Variants in SEPTIN6 observed in about 807,000 individuals in gnomAD.
SEPTIN6 encodes septin-6.
SEPTIN6 carries 8 observed loss-of-function variants against 33.6 expected under a neutral mutation model. The ratio of observed to expected loss-of-function variants is 0.24; its 90% CI spans 0.14 to 0.43. The LOEUF (loss-of-function observed/expected upper bound fraction) is 0.43, where lower values mean the gene tolerates loss of function less well. Ranked by LOEUF, SEPTIN6 falls within the 20% of genes least tolerant of loss-of-function variation. The pLI is 1.00. For synonymous variants in SEPTIN6, 131 were observed against 140.0 expected (o/e 0.94, Z 0.45); for missense variants, 250 against 340.8 (o/e 0.73, Z 2.10).
intron 5 of SEPTIN6, among the ~76,000 whole-genome samples, chrX:119,646,111 G>A (rs1210442300): frequency 9.0e-6 from 1 of 111,617 alleles, no homozygotes; most frequent in Non-Finnish European, 1.9e-5. Context: ...TCCTCCCAGG[G>A]TGGACAGTGT....
chrX:119,619,737 T>C lies in SEPTIN6; in HGVS notation c.*356A>G. On this transcript the variant is annotated 3_prime_UTR_variant, in exon 11 of 11. Coordinates refer to ENST00000394610, the MANE Select transcript of SEPTIN6 (RefSeq NM_145799.4). The stretch of plus-strand genomic sequence containing the variant: ...ACCAGAACTGGAACAGGGGAGCTGG[T>C]GGGAAAGAGTAGCAGATGGGCCCCC... 1 of 964,244 alleles carries C rather than the reference T, an allele frequency of 1.0e-6. No homozygotes were observed. The highest frequency in any genetic ancestry group is 1.3e-6 in the Non-Finnish European group (1 of 770,900). The allele number at this position is 964,244 out of a possible 1,213,427, so 79.5% of individuals were successfully genotyped here. A position where few individuals can be genotyped will look rare whatever the true frequency, so the allele number is the denominator to read the frequency against.
rs2053717947 is a variant in SEPTIN6, at chrX:119,619,788, A to T, written c.*305T>A. The T allele has an allele frequency of 2.0e-6, 2 of 987,550 alleles. No individual in the cohort carries two copies. Among genetic ancestry groups the T allele is most frequent in the Non-Finnish European group, 2.6e-6 (2 of 771,683 alleles). 81.4% of individuals were successfully genotyped at this position (987,550 alleles called of 1,213,427 possible). On this transcript the variant is annotated 3_prime_UTR_variant, in exon 11 of 11. Coordinates refer to ENST00000394610, the MANE Select transcript of SEPTIN6 (RefSeq NM_145799.4). ...TGACCATGTCACACCTCTGGCAAAG[A>T]TGTGGGGGAAGACAGGGGGGATGGC...
At chrX:119,631,512 T>C (rs1423192431) in intron 8 of SEPTIN6, among the ~76,000 whole-genome samples, 1 of 111,533 alleles carries the variant, frequency 9.0e-6, no homozygotes, top group East Asian at 2.8e-4. Flanking sequence ...TAGGGCTGCC[T>C]ATCAATTGCC....
intron 5 of SEPTIN6, among the ~76,000 whole-genome samples, chrX:119,649,468 A>G (rs2054317511): frequency 1.0e-5 from 1 of 96,429 alleles, no homozygotes; most frequent in Non-Finnish European, 2.0e-5. Context: ...AGCCTGGGCA[A>G]TGGAATGAGA....
chrX:119,651,703 T>G (rs903549308), intron 4 of SEPTIN6, among the ~76,000 whole-genome samples: 2 of 111,789 alleles, frequency 1.8e-5, no homozygotes, highest in Non-Finnish European at 3.8e-5. Flanking sequence ...TATATATGTA[T>G]CTATCTATCT....
At chrX:119,653,097 C>T (rs1460983519) in intron 3 of SEPTIN6, 57 bp from the exon 4 acceptor site, 6 of 997,740 alleles carry the variant, frequency 6.0e-6, no homozygotes, top group South Asian at 2.1e-5. Context: ...ATTTTGACAC[C>T]GTCCTTTTTG....
rs775646246 is a variant in SEPTIN6 at position 119,663,890 on chromosome X, T to G, written c.146-213A>C. Among the ~76,000 whole-genome samples, 13 of 111,837 alleles carry G rather than the reference T, an allele frequency of 1.2e-4. No homozygotes were observed. In the South Asian group the frequency reaches 4.8e-3, roughly 42 times the overall value. ...GATCAGTAGTAGTCATCTCAGATAG[T>G]AGAATTGAGGTAATTTTCATTTTAT... On this transcript the variant is annotated intron_variant, in intron 2 of 10. Transcript: ENST00000394610.
rs373524259 is a variant in SEPTIN6, at chrX:119,645,290, G to A, written c.691-4502C>T. On this transcript the variant is annotated intron_variant, in intron 5 of 10. Transcript: ENST00000394610. ...AGTCTCACTCTGTCGCCAGGCTGGA[G>A]TGCAGTGACGTGATCTCAGCTCACT... 8.1e-5 allele frequency among the ~76,000 whole-genome samples: 8 copies of A among 98,433 alleles called. No homozygotes were observed. In the East Asian group the frequency reaches 9.7e-4, roughly 12 times the overall value. The allele number at this position is 98,433 out of a possible 115,157, so 85.5% of individuals were successfully genotyped here. A position where few individuals can be genotyped will look rare whatever the true frequency, so the allele number is the denominator to read the frequency against.
At chrX:119,688,369 A>G (rs985167678) in intron 1 of SEPTIN6, among the ~76,000 whole-genome samples, 1 of 111,402 alleles carries the variant, frequency 9.0e-6, no homozygotes, top group Non-Finnish European at 1.9e-5. Context: ...GAAAGAAGGG[A>G]CCATGTGCAT....
intron 4 of SEPTIN6, among the ~76,000 whole-genome samples, chrX:119,651,527 C>T (rs2054351393): frequency 9.0e-6 from 1 of 111,406 alleles, no homozygotes; most frequent in African/African-American, 3.3e-5. Context: ...AAAAAGTATC[C>T]AGGCATGGTA....
At chrX:119,637,350 A>C (rs1020530937) in intron 6 of SEPTIN6, among the ~76,000 whole-genome samples, 155 bp from the exon 7 acceptor site, 3 of 112,443 alleles carry the variant, frequency 2.7e-5, no homozygotes, top group African/African-American at 9.7e-5. Flanking sequence ...TTTTCTACTG[A>C]AAATGTAAAT....
intron 7 of SEPTIN6, among the ~76,000 whole-genome samples, chrX:119,635,854 A>G (rs751724619): frequency 6.3e-5 from 7 of 111,671 alleles, no homozygotes; most frequent in African/African-American, 2.0e-4. Context: ...GGGTTAAGGG[A>G]GAGTTTCTTC....
Position 119,618,753 on chromosome X carries a change from C to T in SEPTIN6, c.*1340G>A, listed in dbSNP as rs376492572. 5.2e-5 allele frequency: 63 copies of T among 1,205,909 alleles called. No individual in the cohort carries two copies. Among genetic ancestry groups the T allele is most frequent in the Non-Finnish European group, 6.7e-5 (60 of 892,834 alleles). On this transcript the variant is annotated 3_prime_UTR_variant, in exon 11 of 11. Transcript: ENST00000394610. ...TAAATGGAGTCCAGTCCAGCTGTAG[C>T]GGGGAATACTATTCAGTACACAGCC... is the stretch of plus-strand genomic sequence containing the variant.
intron 1 of SEPTIN6, among the ~76,000 whole-genome samples, chrX:119,684,759 G>A (rs2055027444): frequency 9.0e-6 from 1 of 111,452 alleles, no homozygotes; most frequent in South Asian, 3.7e-4. Context: ...CTAAAGTGCT[G>A]GGATTACAGG....
At chrX:119,625,668 G>A (rs1455688438) in intron 9 of SEPTIN6, among the ~76,000 whole-genome samples, 2 of 109,580 alleles carry the variant, frequency 1.8e-5, no homozygotes, top group East Asian at 5.7e-4. Flanking sequence ...TCAGTCTCCT[G>A]AGTAGCTGGG....
chrX:119,668,080 G>A (rs2054675535), intron 2 of SEPTIN6, among the ~76,000 whole-genome samples: 1 of 111,251 alleles, frequency 9.0e-6, no homozygotes. Flanking sequence ...TAGATCACCT[G>A]AGGTCAGGAG....
At chrX:119,622,612 T>G (rs1465978496) in intron 10 of SEPTIN6, among the ~76,000 whole-genome samples, 2 of 112,426 alleles carry the variant, frequency 1.8e-5, no homozygotes, top group African/African-American at 6.5e-5. Context: ...TAGCTTTAAT[T>G]ATAGTTTTGC....
downstream of SEPTIN6, chrX:119,616,830 A>C: frequency 9.3e-7 from 1 of 1,075,062 alleles, no homozygotes; most frequent in South Asian, 2.0e-5. Context: ...GGGAATGGGC[A>C]ATATTGAGGT....
Position 119,618,725 on chromosome X carries a change from G to A in SEPTIN6, c.*1368C>T. The A allele has an allele frequency of 8.3e-7, 1 of 1,202,990 alleles. No homozygotes were observed. Among genetic ancestry groups the A allele is most frequent in the East Asian group, 3.0e-5 (1 of 33,314 alleles). ...TTAAAATAGGAACCTCGGCTTAAAAGGCTAAATGGAGTCCAGTCCAGCTGT... is the reference window on the plus strand; with the variant it reads ...TTAAAATAGGAACCTCGGCTTAAAAAGCTAAATGGAGTCCAGTCCAGCTGT... On this transcript the variant is annotated 3_prime_UTR_variant, in exon 11 of 11. Transcript: ENST00000394610.
Sources: gnomAD v4.1 joint callset for allele counts (sites outside exome capture counted in the v4.1 genomes callset) on GRCh38, gnomAD v4.1.1 for gene constraint, MANE v1.5 for transcripts, NCBI Gene and HGNC (gene_info 2026-07-23, HGNC 2026-07-21) for gene names.